Variants in PEX5L observed in about 807,000 individuals in gnomAD.
PEX5L encodes the protein PEX5-related protein.
In PEX5L, 30 loss-of-function variants were observed where a neutral mutation model predicts 84.0. The observed-to-expected ratio is 0.36, with a 90% CI of 0.27 to 0.48. The LOEUF (loss-of-function observed/expected upper bound fraction) is 0.48. PEX5L is among the 20% of genes least tolerant of loss of function. The probability of loss-of-function intolerance (pLI) is 0.99; values close to 1 mark genes in which losing one functional copy is unlikely to be tolerated. For synonymous variants in PEX5L, 270 were observed against 283.1 expected, an observed-to-expected ratio of 0.95 and a Z score of 0.46; for missense variants, 533 against 754.6, an observed-to-expected ratio of 0.71 and a Z score of 3.44.
intron 2 of PEX5L, among the ~76,000 whole-genome samples, chr3:179,924,679 C>G (rs1319918434): frequency 1.3e-5 from 2 of 152,128 alleles, no homozygotes; most frequent in African/African-American, 4.8e-5. Flanking sequence ...AATATACTTA[C>G]CTGCATTTCC....
At chr3:179,928,062 C>T (rs566015248) in intron 2 of PEX5L, among the ~76,000 whole-genome samples, 1 of 152,294 alleles carries the variant, frequency 6.6e-6, no homozygotes, top group East Asian at 1.9e-4. Flanking sequence ...CTTGTTTCCC[C>T]ACTTTTATTT....
intron 2 of PEX5L, among the ~76,000 whole-genome samples, chr3:179,927,307 G>A (rs573608629): frequency 6.6e-6 from 1 of 152,262 alleles, no homozygotes; most frequent in Admixed American, 6.5e-5. Context: ...GACAGAGGCT[G>A]TGGCTTGAGA....
intron 2 of PEX5L, among the ~76,000 whole-genome samples, chr3:179,938,961 T>C (rs1775342351): frequency 1.3e-5 from 2 of 152,200 alleles, no homozygotes; most frequent in Admixed American, 1.3e-4. Flanking sequence ...TTGTCAGAAG[T>C]ATTTTCTTCA....
intron 1 of PEX5L, among the ~76,000 whole-genome samples, chr3:180,026,632 C>T (rs1468422765): frequency 1.3e-5 from 2 of 152,198 alleles, no homozygotes; most frequent in African/African-American, 4.8e-5. Context: ...CTGCTCTTCT[C>T]TGCTACATGA....
At chr3:179,914,268 C>T (rs1217955970) in intron 2 of PEX5L, among the ~76,000 whole-genome samples, 1 of 152,132 alleles carries the variant, frequency 6.6e-6, no homozygotes, top group Non-Finnish European at 1.5e-5. Flanking sequence ...TGTGCAGGCT[C>T]TTCTTCCAAC....
At chr3:179,863,981 A>T (rs1747228351) in intron 7 of PEX5L, among the ~76,000 whole-genome samples, 1 of 151,928 alleles carries the variant, frequency 6.6e-6, no homozygotes, top group Non-Finnish European at 1.5e-5. Context: ...ATGGGATCTG[A>T]TGGTATTATA....
chr3:179,856,068 A>T (rs1743827772), intron 8 of PEX5L, among the ~76,000 whole-genome samples: 1 of 152,188 alleles, frequency 6.6e-6, no homozygotes, highest in Admixed American at 6.5e-5. Context: ...GTTGACTTTC[A>T]GTCTATCTTA....
chr3:179,904,580 C>A (rs76225314), intron 2 of PEX5L, among the ~76,000 whole-genome samples: 1,925 of 152,202 alleles, frequency 0.013, 89 homozygotes, highest in Admixed American at 0.096. Context: ...TTTGGCTTCA[C>A]GAGCTACTGC....
intron 8 of PEX5L, among the ~76,000 whole-genome samples, chr3:179,831,944 T>C (rs974568851): frequency 6.6e-6 from 1 of 152,204 alleles, no homozygotes; most frequent in African/African-American, 2.4e-5. Flanking sequence ...ACGAATAAGC[T>C]TGGACTTTGT....
chr3:179,983,112 T>C (rs1786485951), intron 1 of PEX5L, among the ~76,000 whole-genome samples: 1 of 152,010 alleles, frequency 6.6e-6, no homozygotes, highest in African/African-American at 2.4e-5. Context: ...CTACTTTCAA[T>C]CTATTTTTAT....
chr3:179,811,286 CA>C (rs1723729170), intron 11 of PEX5L, among the ~76,000 whole-genome samples: 2 of 151,694 alleles, frequency 1.3e-5, no homozygotes, highest in African/African-American at 4.8e-5. Context: ...CTTCCTATAG[CA>C]CTATATTAAA....
At chr3:179,977,740 TG>T (rs1402753101) in intron 1 of PEX5L, among the ~76,000 whole-genome samples, 1 of 152,136 alleles carries the variant, frequency 6.6e-6, no homozygotes, top group Non-Finnish European at 1.5e-5. Flanking sequence ...TTCTTAGGTA[TG>T]GGGGAGATCA....
Position 179,946,624 on chromosome 3 carries a change from G to A in PEX5L, c.93+24970C>T, listed in dbSNP as rs117289045. Among the ~76,000 whole-genome samples the A allele has an allele frequency of 3.7e-4, 57 of 152,264 alleles. 4 individuals carry two copies. In the East Asian group the frequency reaches 0.011, roughly 29 times the overall value. ...GTAGAGTCACTAACAGGGTTTCAAT[G>A]GCTACTCAAAAAGCAGAAGCTCTAG... On this transcript the variant is annotated intron_variant, in intron 2 of 14. Coordinates refer to ENST00000467460, the MANE Select transcript of PEX5L (RefSeq NM_016559.3).
At chr3:179,912,114 A>T (rs907163217) in intron 2 of PEX5L, among the ~76,000 whole-genome samples, 2 of 152,092 alleles carry the variant, frequency 1.3e-5, no homozygotes, top group Non-Finnish European at 2.9e-5. Context: ...ATGAAACATG[A>T]TTGCCTGTAT....
At chr3:180,010,454 C>T (rs557349839) in intron 1 of PEX5L, among the ~76,000 whole-genome samples, 5 of 151,850 alleles carry the variant, frequency 3.3e-5, no homozygotes, top group African/African-American at 1.2e-4. Context: ...AAAGGACAGT[C>T]CCCCAAAATA....
At chr3:179,898,032 T>G (rs1176416942) in intron 3 of PEX5L, 110 bp downstream of exon 3, 1 of 574,658 alleles carries the variant, frequency 1.7e-6, no homozygotes, top group Non-Finnish European at 2.9e-6. Flanking sequence ...GAAACTGTCT[T>G]TAAAAAAATT....
intron 1 of PEX5L, among the ~76,000 whole-genome samples, chr3:180,012,742 T>C (rs1789596038): frequency 1.3e-5 from 2 of 152,144 alleles, no homozygotes; most frequent in Admixed American, 1.3e-4. Flanking sequence ...ATATATAGCA[T>C]ACTTTTGAAG....
intron 10 of PEX5L, among the ~76,000 whole-genome samples, chr3:179,814,732 C>T (rs936655916): frequency 6.6e-6 from 1 of 152,162 alleles, no homozygotes; most frequent in Non-Finnish European, 1.5e-5. Flanking sequence ...TCACTCTTCT[C>T]ATCTCGGAGA....
Position 179,823,237 on chromosome 3 carries a change from A to T in PEX5L, c.823-3261T>A, listed in dbSNP as rs188804251. ...TCTTCTAGACATCTTCCTTCTCTTC[A>T]TTTAAATCTTTCCCTTCCATCTAAT... On this transcript the variant is annotated intron_variant, in intron 8 of 14. Transcript: ENST00000467460. Among the ~76,000 whole-genome samples the T allele has an allele frequency of 6.6e-5, 10 of 152,318 alleles. No homozygotes were observed. The East Asian group carries it at 1.9e-3, about 29-fold the overall frequency.
Sources: gnomAD v4.1 joint callset for allele counts (sites outside exome capture counted in the v4.1 genomes callset) on GRCh38, gnomAD v4.1.1 for gene constraint, MANE v1.5 for transcripts, NCBI Gene and HGNC (gene_info 2026-07-23, HGNC 2026-07-21) for gene names.